SPP2: variants seen among roughly 807,000 people sequenced by gnomAD.
SPP2 encodes the protein secreted phosphoprotein 2.
In SPP2, 34 loss-of-function variants were observed where a neutral mutation model predicts 28.8. The observed-to-expected ratio is 1.18, with a 90% CI of 0.90 to 1.57. SPP2 has a LOEUF of 1.57. Ranked by LOEUF, SPP2 falls within the 40% of genes most tolerant of loss-of-function variation. The pLI, the probability that SPP2 is intolerant of heterozygous loss-of-function variation, is 0.00. For missense variants in SPP2, 269 were observed against 263.9 expected (o/e 1.02, Z -0.13); for synonymous variants, 96 against 89.4 (o/e 1.07, Z -0.42).
intron 4 of SPP2, among the ~76,000 whole-genome samples, chr2:234,060,784 C>G (rs555245217): frequency 6.6e-6 from 1 of 151,940 alleles, no homozygotes; most frequent in Non-Finnish European, 1.5e-5. Context: ...CACATACACA[C>G]GCACACACAC....
In SPP2 at chr2:234,072,489, G is replaced by A. The variant is rs1468529933; in HGVS notation, c.*10+2466G>A. Reference sequence around the variant, plus strand: ...TTTTGTTTATTAGTAATATGATAACGTTGGATGTGTATACATATGTGTATT... The same window carrying A: ...TTTTGTTTATTAGTAATATGATAACATTGGATGTGTATACATATGTGTATT... On this transcript the variant is annotated intron_variant, in intron 7 of 7. Transcript: ENST00000168148. Among the ~76,000 whole-genome samples the A allele has an allele frequency of 4.6e-5, 7 of 152,068 alleles. No individual in the cohort carries two copies. In the South Asian group the frequency reaches 8.3e-4, roughly 18 times the overall value.
In SPP2 at chr2:234,050,838, T is replaced by C. The variant is rs142286393; in HGVS notation, c.52T>C (p.Phe18Leu). Residue 18 changes from phenylalanine (F) to leucine (L), a missense_variant, in exon 1 of 8, where the codon TTT becomes CTT. By Grantham distance (22) the Phe-to-Leu change is conservative. Transcript: ENST00000168148. ...MTMMMKILIM[F>L]ALGMNYWSCS... Reference sequence around the variant, plus strand: ...GATGATGATGAAGATATTGATTATGTTTGCTCTTGGAATGAACTACTGGTC... The same window carrying C: ...GATGATGATGAAGATATTGATTATGCTTGCTCTTGGAATGAACTACTGGTC... 2 of 1,613,958 alleles carry C rather than the reference T, an allele frequency of 1.2e-6. No homozygotes were observed. Among genetic ancestry groups the C allele is most frequent in the African/African-American group, 2.7e-5 (2 of 74,912 alleles).
chr2:234,070,163 G>C, intron 7 of SPP2, 140 bp downstream of exon 7: 1 of 603,282 alleles, frequency 1.7e-6, no homozygotes, highest in Non-Finnish European at 2.9e-6. Flanking sequence ...TCCTTCCCAA[G>C]ACTTCTCCTC....
intron 2 of SPP2, among the ~76,000 whole-genome samples, chr2:234,052,892 G>T (rs180978983): frequency 8.3e-4 from 127 of 152,128 alleles, no homozygotes; most frequent in Non-Finnish European, 1.3e-3. Flanking sequence ...TTTATGTTGT[G>T]TGTATTAACC....
At chr2:234,059,041 T>C in intron 3 of SPP2, 83 bp downstream of exon 3, 1 of 1,518,514 alleles carries the variant, frequency 6.6e-7, no homozygotes, top group Non-Finnish European at 8.8e-7. Context: ...ACAAAGAACT[T>C]GGTCGCTGCC....
intron 4 of SPP2, among the ~76,000 whole-genome samples, chr2:234,064,780 G>T (rs1222680331): frequency 1.3e-5 from 2 of 152,156 alleles, no homozygotes; most frequent in Non-Finnish European, 2.9e-5. Context: ...TGTCCATTCT[G>T]ATCATTTCAT....
chr2:234,063,425 G>T (rs1163461664), intron 4 of SPP2, among the ~76,000 whole-genome samples: 1 of 152,160 alleles, frequency 6.6e-6, no homozygotes, highest in Non-Finnish European at 1.5e-5. Flanking sequence ...CTTAGAGTAA[G>T]TCTGGTAAGG....
At chr2:234,058,626 G>T (rs117887353) in intron 2 of SPP2, among the ~76,000 whole-genome samples, 3 of 152,110 alleles carry the variant, frequency 2.0e-5, no homozygotes, top group Admixed American at 6.5e-5. Flanking sequence ...TTCCATTTTC[G>T]TCACTAAACT....
Position 234,051,017 on chromosome 2 carries a change from C to T in SPP2, c.132C>T (p.Leu44=). The change falls in exon 2 of 8, where the codon CTC becomes CTT. Residue 44 remains leucine (L), a synonymous_variant. Transcript: ENST00000168148. ...DYDPSSLRDA[L]SASVVKVNSQ... Reference sequence around the variant, plus strand: ...ATCCATCCTCCTTAAGGGATGCCCTCAGTGCCTCTGTGGTAAAAGTGAATT... The same window carrying T: ...ATCCATCCTCCTTAAGGGATGCCCTTAGTGCCTCTGTGGTAAAAGTGAATT... 1.2e-6 allele frequency: 2 copies of T among 1,614,058 alleles called. No homozygotes were observed. Among genetic ancestry groups the T allele is most frequent in the Non-Finnish European group, 1.7e-6 (2 of 1,179,960 alleles).
chr2:234,058,724 T>A, intron 2 of SPP2, 112 bp from the exon 3 acceptor site: 1 of 1,263,150 alleles, frequency 7.9e-7, no homozygotes, highest in Non-Finnish European at 1.1e-6. Context: ...ATTTATTGCT[T>A]TCATGGTGGA....
At chr2:234,055,068 A>G (rs1225994378) in intron 2 of SPP2, among the ~76,000 whole-genome samples, 1 of 152,202 alleles carries the variant, frequency 6.6e-6, no homozygotes, top group Non-Finnish European at 1.5e-5. Context: ...TTGATGCCCT[A>G]TTAGTGAGGG....
intron 4 of SPP2, among the ~76,000 whole-genome samples, chr2:234,065,787 A>G (rs943904832): frequency 6.6e-6 from 1 of 152,064 alleles, no homozygotes; most frequent in Non-Finnish European, 1.5e-5. Context: ...TTAAATTTTG[A>G]TGAACTCCAG....
At chr2:234,074,618 G>T (rs1690859671) in intron 7 of SPP2, among the ~76,000 whole-genome samples, 1 of 152,128 alleles carries the variant, frequency 6.6e-6, no homozygotes, top group Non-Finnish European at 1.5e-5. Context: ...AAGTAGAGTT[G>T]GTTCTTATTA....
At chr2:234,074,258 G>C (rs1690852802) in intron 7 of SPP2, among the ~76,000 whole-genome samples, 1 of 152,128 alleles carries the variant, frequency 6.6e-6, no homozygotes, top group African/African-American at 2.4e-5. Flanking sequence ...CATGCGTTGG[G>C]TGAAACTAGA....
rs762045356 is a variant in SPP2 at position 234,059,002 on chromosome 2, G to T, written c.333+44G>T. The T allele has an allele frequency of 5.7e-6, 9 of 1,586,870 alleles. No homozygotes were observed. In the African/African-American group the frequency reaches 9.5e-5, roughly 17 times the overall value. On this transcript the variant is annotated intron_variant, in intron 3 of 7. Transcript: ENST00000168148. ...ATCCCAGAAATGAACAAAAGGAAGA[G>T]CCTCACTTCTTCCATGACCTGGAGT...
At chr2:234,060,071 G>A (rs956934562) in intron 3 of SPP2, among the ~76,000 whole-genome samples, 8 of 152,216 alleles carry the variant, frequency 5.3e-5, no homozygotes, top group African/African-American at 7.2e-5. Context: ...GGGGTTCTTC[G>A]TCATTTCTTT....
At chr2:234,070,296 T>C (rs1690733391) in intron 7 of SPP2, among the ~76,000 whole-genome samples, 1 of 152,170 alleles carries the variant, frequency 6.6e-6, no homozygotes, top group Non-Finnish European at 1.5e-5. Flanking sequence ...CAGCCCCTTC[T>C]TTTGGCCCAT....
intron 4 of SPP2, among the ~76,000 whole-genome samples, chr2:234,064,490 T>C (rs1693779543): frequency 6.6e-6 from 1 of 152,104 alleles, no homozygotes; most frequent in Non-Finnish European, 1.5e-5. Context: ...ACTTTATTAT[T>C]AATTTATTTT....
At chr2:234,070,746 G>A (rs896337690) in intron 7 of SPP2, among the ~76,000 whole-genome samples, 2 of 152,178 alleles carry the variant, frequency 1.3e-5, no homozygotes, top group African/African-American at 2.4e-5. Flanking sequence ...ACAGGTGTGA[G>A]CCACCACGCC....
Sources: allele counts gnomAD v4.1 joint callset (sites outside exome capture counted in the v4.1 genomes callset), GRCh38; gene constraint gnomAD v4.1.1; transcripts MANE v1.5; gene names NCBI Gene and HGNC (gene_info 2026-07-23, HGNC 2026-07-21).